Variants in FURIN observed in about 807,000 individuals in gnomAD.
FURIN encodes the protein furin, paired basic amino acid cleaving enzyme, also known as FES upstream region.
Under a neutral mutation model 89.2 loss-of-function variants are expected in FURIN, and 18 were observed. The ratio of observed to expected loss-of-function variants is 0.20; its 90% CI spans 0.14 to 0.30. The LOEUF is 0.30. Ranked by LOEUF, FURIN falls within the 10% of genes least tolerant of loss-of-function variation. FURIN has a pLI of 1.00. For missense variants in FURIN, 879 were observed against 1,100.5 expected (o/e 0.80, Z 2.85); for synonymous variants, 508 against 466.4 (o/e 1.09, Z -1.15).
At chr15:90,880,390 CTT>C (rs2031894440) in intron 13 of FURIN, 117 bp downstream of exon 13, 1 of 855,238 alleles carries the variant, frequency 1.2e-6, no homozygotes. Flanking sequence ...GTGGGGCACT[CTT>C]GGCATTTTGG....
Position 90,879,754 on chromosome 15 carries a change from C to T in FURIN, c.1238C>T (p.Thr413Ile), listed in dbSNP as rs201632544. ...CACCTCAATGCCAACGACTGGGCCA[C>T]CAATGGTGTGGGCCGGAAAGGTGAG... ...PAHLNANDWA[T>I]NGVGRKVSHS... The change falls in exon 11 of 16, where the codon ACC becomes ATC. Residue 413 changes from threonine to isoleucine, a missense_variant. Coordinates refer to ENST00000268171, the MANE Select transcript of FURIN (RefSeq NM_002569.4). 5.7e-4 allele frequency: 926 copies of T among 1,613,724 alleles called. No individual in the cohort carries two copies. The highest frequency in any genetic ancestry group is 7.3e-4 in the Non-Finnish European group (859 of 1,179,948).
At chr15:90,869,690 G>C (rs1567080530) in intron 1 of FURIN, among the ~76,000 whole-genome samples, 1 of 152,236 alleles carries the variant, frequency 6.6e-6, no homozygotes, top group Non-Finnish European at 1.5e-5. Context: ...CTGGGTGGCA[G>C]TCATCTGAGC....
Position 90,881,430 on chromosome 15 carries a change from C to T in FURIN, c.1937C>T (p.Ala646Val). Residue 646 changes from alanine to valine, a missense_variant, in exon 16 of 16, where the codon GCC (alanine) becomes GTC (valine). By Grantham distance (64) the Ala-to-Val change is moderately conservative. This residue lies in a region of FURIN where 457 missense variants were observed against 490.7 expected (regional missense o/e 0.93). Transcript: ENST00000268171. This position sits in a 1 kb window ranked among gnomAD's most constrained non-coding sequence, Gnocchi z 4.3. ...IRASVCAPCH[A>V]SCATCQGPAL... is the part of the protein sequence containing the mutation. ...GCCAGCGTCTGCGCCCCCTGCCACG[C>T]CTCATGTGCCACATGCCAGGGGCCG... 1.2e-6 allele frequency: 2 copies of T among 1,612,732 alleles called. No homozygotes were observed. Among genetic ancestry groups the T allele is most frequent in the Non-Finnish European group, 8.5e-7 (1 of 1,179,944 alleles).
Position 90,875,704 on chromosome 15 carries a change from G to T in FURIN, c.-37G>T. The T allele has an allele frequency of 6.7e-7, 1 of 1,496,088 alleles. No individual in the cohort carries two copies. The allele number at this position is 1,496,088 out of a possible 1,614,324, so 92.7% of individuals were successfully genotyped here. A position where few individuals can be genotyped will look rare whatever the true frequency, so the allele number is the denominator to read the frequency against. On this transcript the variant is annotated 5_prime_UTR_variant, in exon 2 of 16. Coordinates refer to ENST00000268171, the MANE Select transcript of FURIN (RefSeq NM_002569.4). ...CGAGGCCCTGTGACCAGGCCAAGGA[G>T]ACGGGCGCTCCAGGGTCCCAGCCAC...
At chr15:90,874,247 T>C (rs1314782192) in intron 1 of FURIN, among the ~76,000 whole-genome samples, 1 of 152,234 alleles carries the variant, frequency 6.6e-6, no homozygotes, top group Non-Finnish European at 1.5e-5. Context: ...GTCTGTTTGC[T>C]GAAGGAGGAA....
At position 90,878,818 on chromosome 15, in the gene FURIN, G is replaced by A. The variant is rs774662648; in HGVS notation, c.895G>A (p.Glu299Lys). 6.2e-7 allele frequency: 1 copy of A among 1,612,742 alleles called. No individual in the cohort carries two copies. Among genetic ancestry groups the A allele is most frequent in the East Asian group, 2.2e-5 (1 of 44,880 alleles). ...FVWASGNGGR[E>K]HDSCNCDGYT... ...CTGGGCCTCGGGGAACGGGGGCCGG[G>A]AACATGACAGCTGCAACTGCGACGG... is the stretch of plus-strand genomic sequence containing the variant. The change falls in exon 9 of 16, where the codon GAA (glutamate) becomes AAA (lysine). Residue 299 changes from glutamate (E) to lysine (K), a missense_variant. By Grantham distance (56) the Glu-to-Lys change is moderately conservative (BLOSUM62 1). Coordinates refer to ENST00000268171, the MANE Select transcript of FURIN (RefSeq NM_002569.4).
At chr15:90,869,159 C>G (rs2031172163) in intron 1 of FURIN, among the ~76,000 whole-genome samples, 1 of 152,182 alleles carries the variant, frequency 6.6e-6, no homozygotes, top group Non-Finnish European at 1.5e-5. Flanking sequence ...AATGGAGCCC[C>G]TTTACAGCCC....
chr15:90,875,130 G>A (rs1283899861), intron 1 of FURIN, among the ~76,000 whole-genome samples: 1 of 150,922 alleles, frequency 6.6e-6, no homozygotes, highest in Non-Finnish European at 1.5e-5. Flanking sequence ...CACCTCCTGG[G>A]CTCAAGCAAT....
At chr15:90,871,213 A>G (rs867460573) in intron 1 of FURIN, among the ~76,000 whole-genome samples, 2 of 152,152 alleles carry the variant, frequency 1.3e-5, no homozygotes, top group South Asian at 4.1e-4. Flanking sequence ...CAGTCCCCCA[A>G]GAGTCCGGCT....
In FURIN at chr15:90,876,187, C is replaced by T. The variant is rs1323904768; in HGVS notation, c.178-68C>T. ...GAGCCTCCCATGAAGCCGTTGTCCA[C>T]CCCCGTCCCCCGCCTCCCGGGGACT... On this transcript the variant is annotated intron_variant, in intron 2 of 15. Transcript: ENST00000268171. The surrounding 1 kb of genome is among the most constrained non-coding windows in gnomAD (Gnocchi z 5.0). 9.4e-7 allele frequency: 1 copy of T among 1,068,988 alleles called. No individual in the cohort carries two copies. Among genetic ancestry groups the T allele is most frequent in the African/African-American group, 2.5e-5 (1 of 40,392 alleles). The allele number at this position is 1,068,988 out of a possible 1,614,324, so 66.2% of individuals were successfully genotyped here.
Position 90,876,818 on chromosome 15 carries a change from C to A in FURIN, c.373-78C>A. The A allele has an allele frequency of 6.7e-7, 1 of 1,502,142 alleles. No individual in the cohort carries two copies. The highest frequency in any genetic ancestry group is 9.2e-7 in the Non-Finnish European group (1 of 1,087,364). The allele number at this position is 1,502,142 out of a possible 1,614,324, so 93.1% of individuals were successfully genotyped here. A position where few individuals can be genotyped will look rare whatever the true frequency, so the allele number is the denominator to read the frequency against. On this transcript the variant is annotated intron_variant, in intron 4 of 15. Coordinates refer to ENST00000268171, the MANE Select transcript of FURIN (RefSeq NM_002569.4). The surrounding 1 kb of genome is among the most constrained non-coding windows in gnomAD (Gnocchi z 5.0). ...GGTACAGGAGGAGGTTTTACGGGGG[C>A]AAAGGGATTCTTCAAGATGCTCCTA...
At chr15:90,877,433 C>T (rs1006645840) in intron 6 of FURIN, 94 bp from the exon 7 acceptor site, 32 of 1,020,038 alleles carry the variant, frequency 3.1e-5, no homozygotes, top group Admixed American at 1.5e-4. Context: ...TGATGGGTGT[C>T]GGATGTGCGG....
Position 90,881,669 on chromosome 15 carries a change from G to A in FURIN, c.2176G>A (p.Val726Met), listed in dbSNP as rs370641172. Reference sequence around the variant, plus strand: ...GGCCGGCCTCAGCTGCGCCTTCATCGTGCTGGTCTTCGTCACTGTCTTCCT... The same window carrying A: ...GGCCGGCCTCAGCTGCGCCTTCATCATGCTGGTCTTCGTCACTGTCTTCCT... ...VVAGLSCAFI[V>M]LVFVTVFLVL... Residue 726 changes from valine (V) to methionine (M), a missense_variant, in exon 16 of 16, where the codon GTG becomes ATG. Physicochemically the swap from Val to Met is conservative, Grantham distance 21. This residue lies in a region of FURIN where 457 missense variants were observed against 490.7 expected (regional missense o/e 0.93). Coordinates refer to ENST00000268171, the MANE Select transcript of FURIN (RefSeq NM_002569.4). The surrounding 1 kb of genome is among the most constrained non-coding windows in gnomAD (Gnocchi z 4.3). 11 of 1,585,912 alleles carry A rather than the reference G, an allele frequency of 6.9e-6. 1 individual carries two copies. In the Middle Eastern group the frequency reaches 5.0e-4, roughly 73 times the overall value.
chr15:90,879,335 C>T, intron 9 of FURIN, 109 bp from the exon 10 acceptor site: 2 of 837,730 alleles, frequency 2.4e-6, no homozygotes, highest in South Asian at 1.5e-5. Context: ...CCCTGGCTCC[C>T]CATACCATCT....
rs762669747 is a variant in FURIN at position 90,877,606 on chromosome 15, C to T, written c.658C>T (p.Arg220Cys). ...TGGTGTAGGTGTGGCCTACAACGCC[C>T]GCATTGGAGGTGAGTGTGGGCCTGG... is the stretch of plus-strand genomic sequence containing the variant. ...VCGVGVAYNARIGGVRMLDGE... is the reference protein window; with the variant it reads ...VCGVGVAYNACIGGVRMLDGE... The change falls in exon 7 of 16, where the codon CGC (arginine) becomes TGC (cysteine). Residue 220 changes from arginine to cysteine, a missense_variant. By Grantham distance (180) the Arg-to-Cys change is radical. Transcript: ENST00000268171. The T allele has an allele frequency of 8.9e-6, 14 of 1,565,082 alleles. No homozygotes were observed. Among genetic ancestry groups the T allele is most frequent in the South Asian group, 3.5e-5 (3 of 84,894 alleles).
chr15:90,877,549 GA>G lies in FURIN; in HGVS notation c.603del (p.Val202TrpfsTer12). The G allele has an allele frequency of 6.3e-7, 1 of 1,578,446 alleles. No homozygotes were observed. The highest frequency in any genetic ancestry group is 8.6e-7 in the Non-Finnish European group (1 of 1,161,976). On this transcript the variant is annotated frameshift_variant, in exon 7 of 16. Transcript: ENST00000268171. LOFTEE classifies it high-confidence loss of function. Reference sequence around the variant, plus strand: ...CAGGCACGGCACACGGTGTGCGGGGGAAGTGGCTGCGGTGGCCAACAACGGT... The same window carrying G: ...CAGGCACGGCACACGGTGTGCGGGGGAGTGGCTGCGGTGGCCAACAACGGT... ...DNRHGTRCAG[E>X]VAAVANNGVC... is the part of the protein sequence containing the mutation.
At chr15:90,878,731 A>G (rs534415961) in intron 8 of FURIN, 33 bp from the exon 9 acceptor site, 11 of 1,354,872 alleles carry the variant, frequency 8.1e-6, no homozygotes, top group African/African-American at 5.7e-5. Flanking sequence ...TCAAGTCCCA[A>G]TCTTGAATGA....
At chr15:90,872,999 A>C (rs1187579717) in intron 1 of FURIN, 1 of 152,304 alleles carries the variant, frequency 6.6e-6, no homozygotes, top group East Asian at 1.9e-4. Context: ...AAGAGCACCC[A>C]CAGCTCTCTC....
At position 90,875,586 on chromosome 15, in the gene FURIN, G is replaced by A. The variant is rs1050512861; in HGVS notation, c.-155G>A. 4.7e-5 allele frequency: 28 copies of A among 594,574 alleles called. No homozygotes were observed. The highest frequency in any genetic ancestry group is 1.3e-4 in the African/African-American group (7 of 52,720). The allele number at this position is 594,574 out of a possible 1,614,324, so 36.8% of individuals were successfully genotyped here. On this transcript the variant is annotated 5_prime_UTR_variant, in exon 2 of 16. Transcript: ENST00000268171. ...TTCCCCTCTTGTTCCTCTCAGGGTC[G>A]GCACTCTTCACCCTCCCGAGCCCTG...
Sources: allele counts gnomAD v4.1 joint callset (sites outside exome capture counted in the v4.1 genomes callset), GRCh38; gene constraint gnomAD v4.1.1; regional missense constraint gnomAD v4.1.1; non-coding constraint Gnocchi (gnomAD v3.1); transcripts MANE v1.5; gene names NCBI Gene and HGNC (gene_info 2026-07-23, HGNC 2026-07-21).